The following MDGA2 variants were observed in gnomAD, a reference collection of about 807,000 sequenced individuals.
The protein encoded by MDGA2 is MAM domain-containing glycosylphosphatidylinositol anchor protein 2.
A neutral mutation model predicts 117.8 loss-of-function variants in MDGA2; 40 were observed. The ratio of observed to expected loss-of-function variants is 0.34; its 90% CI spans 0.26 to 0.44. The LOEUF (loss-of-function observed/expected upper bound fraction) is 0.44. Ranked by LOEUF, MDGA2 falls within the 20% of genes least tolerant of loss-of-function variation. The probability of loss-of-function intolerance (pLI) is 1.00; values close to 1 mark genes in which losing one functional copy is unlikely to be tolerated. For synonymous variants in MDGA2, 452 were observed against 439.0 expected (o/e 1.03, Z -0.37); for missense variants, 1,123 against 1,250.6 (o/e 0.90, Z 1.54).
At chr14:47,606,808 C>T (rs2138892653) in intron 1 of MDGA2, among the ~76,000 whole-genome samples, 2 of 152,248 alleles carry the variant, frequency 1.3e-5, no homozygotes, top group East Asian at 3.9e-4. Context: ...ATGCCTCGCT[C>T]CATGAAGCAC....
At chr14:47,097,801 C>G (rs1880064659) in intron 5 of MDGA2, among the ~76,000 whole-genome samples, 1 of 152,004 alleles carries the variant, frequency 6.6e-6, no homozygotes, top group Non-Finnish European at 1.5e-5. Context: ...AAACAGCCAC[C>G]AAACCATGCT....
chr14:47,319,794 A>G (rs938971955), intron 1 of MDGA2, among the ~76,000 whole-genome samples: 3 of 152,156 alleles, frequency 2.0e-5, no homozygotes. Context: ...CATGTCATTT[A>G]TTATAGATGG....
At chr14:47,086,068 G>A (rs906796940) in intron 6 of MDGA2, among the ~76,000 whole-genome samples, 5 of 148,472 alleles carry the variant, frequency 3.4e-5, no homozygotes, top group African/African-American at 7.4e-5. Flanking sequence ...TTTAACTACC[G>A]TGATTATGGA....
At chr14:47,549,086 T>C (rs1319501760) in intron 1 of MDGA2, among the ~76,000 whole-genome samples, 5 of 152,148 alleles carry the variant, frequency 3.3e-5, no homozygotes, top group African/African-American at 1.2e-4. Flanking sequence ...GGATGGAGTT[T>C]TTTGAGGGGT....
At chr14:47,520,871 C>T (rs2138712745) in intron 1 of MDGA2, among the ~76,000 whole-genome samples, 2 of 152,206 alleles carry the variant, frequency 1.3e-5, no homozygotes, top group South Asian at 4.2e-4. Context: ...TAATATTGAC[C>T]TTCCTCAAAG....
chr14:47,615,149 T>C (rs1439229787), intron 1 of MDGA2, among the ~76,000 whole-genome samples: 2 of 152,142 alleles, frequency 1.3e-5, no homozygotes, highest in Non-Finnish European at 2.9e-5. Flanking sequence ...TTCTCATAGA[T>C]GTATGGCCAT....
intron 3 of MDGA2, among the ~76,000 whole-genome samples, chr14:47,195,857 C>T (rs1193371283): frequency 1.3e-5 from 2 of 151,924 alleles, no homozygotes; most frequent in Non-Finnish European, 2.9e-5. Flanking sequence ...TTAAAAGCCA[C>T]GTCTGAAATA....
At chr14:47,246,802 A>AACACGCACACACAC (rs112489290) in intron 2 of MDGA2, among the ~76,000 whole-genome samples, 4 of 141,760 alleles carry the variant, frequency 2.8e-5, no homozygotes, top group African/African-American at 1.1e-4. Flanking sequence ...CAGGTAATGA[A>AACACGCACACACAC]ACACACACAC....
At chr14:47,267,310 A>G (rs142305187) in intron 2 of MDGA2, among the ~76,000 whole-genome samples, 7 of 152,316 alleles carry the variant, frequency 4.6e-5, no homozygotes, top group African/African-American at 1.7e-4. Flanking sequence ...TTAAGATCAC[A>G]AAGGCAATTT....
chr14:47,253,735 C>T (rs1391419146), intron 2 of MDGA2, among the ~76,000 whole-genome samples: 1 of 152,184 alleles, frequency 6.6e-6, no homozygotes, highest in Non-Finnish European at 1.5e-5. Context: ...CTCCACTAGG[C>T]AGTGCCCCCA....
chr14:47,181,607 A>G (rs1212664679), intron 3 of MDGA2, among the ~76,000 whole-genome samples: 2 of 152,224 alleles, frequency 1.3e-5, no homozygotes, highest in Non-Finnish European at 2.9e-5. Context: ...TTTTTTAGAA[A>G]CAAGGGTTTA....
At chr14:47,349,644 T>C (rs1216380717) in intron 1 of MDGA2, among the ~76,000 whole-genome samples, 2 of 152,202 alleles carry the variant, frequency 1.3e-5, no homozygotes, top group Non-Finnish European at 2.9e-5. Context: ...TTGAAAACAT[T>C]CATTTTTTAA....
Position 47,122,670 on chromosome 14 carries a change from T to C in MDGA2, c.925+9044A>G, listed in dbSNP as rs117445460. ...GAGCTATTCTAAGCCACAAGTTATA[T>C]GTGACTAGCTCAAAAATCATCAAGA... On this transcript the variant is annotated intron_variant, in intron 5 of 16. Transcript: ENST00000399232. 8.5e-3 allele frequency among the ~76,000 whole-genome samples: 1,287 copies of C among 152,224 alleles called. 12 individuals carry two copies. Among genetic ancestry groups the C allele is most frequent in the Admixed American group, 0.034 (523 of 15,258 alleles).
intron 2 of MDGA2, among the ~76,000 whole-genome samples, chr14:47,248,526 G>A (rs1057442323): frequency 5.3e-5 from 8 of 150,650 alleles, no homozygotes; most frequent in Non-Finnish European, 8.9e-5. Context: ...TTTTTTAAAA[G>A]TTATGTGACA....
chr14:47,657,467 T>C (rs1029265481), intron 1 of MDGA2, among the ~76,000 whole-genome samples: 1 of 152,192 alleles, frequency 6.6e-6, no homozygotes, highest in Non-Finnish European at 1.5e-5. Flanking sequence ...TAGCTAATGC[T>C]GCTGCTAAAT....
Position 47,301,400 on chromosome 14 carries a change from T to C in MDGA2, c.420+11A>G. The stretch of plus-strand genomic sequence containing the variant: ...AGAATGTTTTCTCCAGTGTCACAGT[T>C]CGGGACTCACCTGTGGACGTGGATG... On this transcript the variant is annotated intron_variant, in intron 2 of 16. Coordinates refer to ENST00000399232, the MANE Select transcript of MDGA2 (RefSeq NM_001113498.3). 6.4e-7 allele frequency: 1 copy of C among 1,551,560 alleles called. No homozygotes were observed. The highest frequency in any genetic ancestry group is 2.4e-5 in the East Asian group (1 of 40,900).
chr14:46,856,287 T>C (rs1431134171), intron 14 of MDGA2, among the ~76,000 whole-genome samples: 1 of 151,944 alleles, frequency 6.6e-6, no homozygotes, highest in Non-Finnish European at 1.5e-5. Flanking sequence ...TTACATGCAA[T>C]AAAATTCATT....
At chr14:46,848,754 A>T (rs1298542178) in intron 15 of MDGA2, among the ~76,000 whole-genome samples, 1 of 151,904 alleles carries the variant, frequency 6.6e-6, no homozygotes. Context: ...AACATCAGGA[A>T]GCGGATTGAC....
chr14:47,391,587 G>A (rs182589366), intron 1 of MDGA2, among the ~76,000 whole-genome samples: 2 of 152,160 alleles, frequency 1.3e-5, no homozygotes, highest in South Asian at 2.1e-4. Flanking sequence ...CTTGTCACAG[G>A]TATGCATATA....
Sources: allele counts gnomAD v4.1 joint callset (sites outside exome capture counted in the v4.1 genomes callset), GRCh38; gene constraint gnomAD v4.1.1; transcripts MANE v1.5; gene names NCBI Gene and HGNC (gene_info 2026-07-23, HGNC 2026-07-21).